Variants in HOOK1 observed in about 807,000 individuals in gnomAD.
The protein encoded by HOOK1 is protein Hook homolog 1.
HOOK1 carries 60 observed loss-of-function variants against 112.8 expected under a neutral mutation model. The observed-to-expected ratio is 0.53, with a 90% CI of 0.43 to 0.66. HOOK1 has a LOEUF of 0.66. Among genes scored for constraint, HOOK1 ranks in the 30% least tolerant of loss-of-function variants. HOOK1 has a pLI of 0.00. For missense variants in HOOK1, 770 were observed against 856.0 expected (o/e 0.90, Z 1.25); for synonymous variants, 294 against 283.8 (o/e 1.04, Z -0.36).
chr1:59,848,470 A>G lies in HOOK1; in HGVS notation c.1085A>G (p.Lys362Arg). The G allele has an allele frequency of 6.2e-7, 1 of 1,610,796 alleles. No homozygotes were observed. Residue 362 changes from lysine (K) to arginine (R), a missense_variant, in exon 11 of 22, where the codon AAA becomes AGA. By Grantham distance (26) the Lys-to-Arg change is conservative. Transcript: ENST00000371208. Reference sequence around the variant, plus strand: ...ACAGTCAGCTTAGAAGAAGAATTAAAAAAAGCAAATGCAGCACGTACACAA... The same window carrying G: ...ACAGTCAGCTTAGAAGAAGAATTAAGAAAAGCAAATGCAGCACGTACACAA... ...HNTVSLEEEL[K>R]KANAARTQLE...
intron 2 of HOOK1, among the ~76,000 whole-genome samples, chr1:59,824,562 G>A (rs562539001): frequency 5.3e-5 from 8 of 152,246 alleles, no homozygotes; most frequent in African/African-American, 1.9e-4. Context: ...CTGACATCGT[G>A]TCACATCAAA....
chr1:59,860,016 A>G (rs553184601), intron 14 of HOOK1, among the ~76,000 whole-genome samples, 172 bp from the exon 15 acceptor site: 211 of 152,252 alleles, frequency 1.4e-3, no homozygotes, highest in South Asian at 2.5e-3. Flanking sequence ...AAACACTTTC[A>G]GAAGCTTTTG....
chr1:59,855,704 A>T (rs967714454), intron 12 of HOOK1, among the ~76,000 whole-genome samples: 2 of 151,436 alleles, frequency 1.3e-5, no homozygotes, highest in East Asian at 3.9e-4. Context: ...TTATATTGGC[A>T]TACTTGATGG....
At chr1:59,845,968 G>T (rs2098403560) in intron 9 of HOOK1, among the ~76,000 whole-genome samples, 1 of 151,814 alleles carries the variant, frequency 6.6e-6, no homozygotes. Flanking sequence ...CAGTTTATCA[G>T]TAACACAATT....
At chr1:59,846,566 CCTTCCTTCCTT>C (rs1559053127) in intron 9 of HOOK1, among the ~76,000 whole-genome samples, 27 of 76,134 alleles carry the variant, frequency 3.5e-4, no homozygotes, top group South Asian at 1.7e-3. Flanking sequence ...TTCCTTCCTT[CCTTCCTTCCTT>C]CCTTCCTTCC....
intron 1 of HOOK1, 168 bp downstream of exon 1, chr1:59,815,348 G>A: frequency 1.6e-6 from 1 of 642,672 alleles, no homozygotes; most frequent in Non-Finnish European, 2.6e-6. Flanking sequence ...GGGTCGACGG[G>A]CAGGTGTGTG....
At chr1:59,823,078 C>T (rs375504018) in intron 2 of HOOK1, among the ~76,000 whole-genome samples, 106 of 152,216 alleles carry the variant, frequency 7.0e-4, no homozygotes, top group African/African-American at 4.6e-4. Flanking sequence ...CCCAGCACTT[C>T]GGGAGGCCGA....
chr1:59,828,917 A>T (rs1287234137), intron 3 of HOOK1, 65 bp downstream of exon 3: 9 of 1,266,258 alleles, frequency 7.1e-6, no homozygotes, highest in Non-Finnish European at 1.0e-5. Context: ...CACTAAGTTA[A>T]CCAAATCTGT....
At chr1:59,843,237 T>C (rs541522363) in intron 8 of HOOK1, among the ~76,000 whole-genome samples, 195 bp from the exon 9 acceptor site, 1 of 150,600 alleles carries the variant, frequency 6.6e-6, no homozygotes, top group South Asian at 2.1e-4. Flanking sequence ...TTGATTTGAT[T>C]TCTTTTCTTT....
In HOOK1 at chr1:59,849,129, G is replaced by A. The variant is rs370702196; in HGVS notation, c.1188G>A (p.Ala396=). The change falls in exon 12 of 22, where the codon GCG becomes GCA. Residue 396 remains alanine, a synonymous_variant. Transcript: ENST00000371208. ...AATCCAAGAGGGCAGACACACTAGC[G>A]TTTGAAATGAAGCGGCTTGAAGAAA... ...SSESKRADTL[A]FEMKRLEEKH... 21 of 1,609,592 alleles carry A rather than the reference G, an allele frequency of 1.3e-5. No homozygotes were observed. In the East Asian group the frequency reaches 1.3e-4, roughly 10 times the overall value.
chr1:59,873,094 A>G lies in HOOK1; in HGVS notation c.*129A>G. 1 of 708,878 alleles carries G rather than the reference A, an allele frequency of 1.4e-6. No individual in the cohort carries two copies. Among genetic ancestry groups the G allele is most frequent in the Non-Finnish European group, 2.0e-6 (1 of 490,496 alleles). The allele number at this position is 708,878 out of a possible 1,614,324, so 43.9% of individuals were successfully genotyped here. A position where few individuals can be genotyped will look rare whatever the true frequency, so the allele number is the denominator to read the frequency against. On this transcript the variant is annotated 3_prime_UTR_variant, in exon 22 of 22. Coordinates refer to ENST00000371208, the MANE Select transcript of HOOK1 (RefSeq NM_015888.6). Reference sequence around the variant, plus strand: ...GATGCGGGATATCAGGTATTTTAAAATCAACATGCATCAAATTAATTTTGC... The same window carrying G: ...GATGCGGGATATCAGGTATTTTAAAGTCAACATGCATCAAATTAATTTTGC...
In HOOK1 at chr1:59,821,898, A is replaced by G. The variant is rs769306981; in HGVS notation, c.104A>G (p.Lys35Arg). ...FNTASPCQDV[K>R]QLTSGVAMAQ... ...ACTGCCTCACCTTGTCAAGATGTCA[A>G]ACAGCTGACTAGTGGAGTTGCCATG... The change falls in exon 2 of 22, where the codon AAA becomes AGA. Residue 35 changes from lysine to arginine, a missense_variant. By Grantham distance (26) the Lys-to-Arg change is conservative. Transcript: ENST00000371208. The G allele has an allele frequency of 2.5e-6, 4 of 1,607,586 alleles. No homozygotes were observed. Among genetic ancestry groups the G allele is most frequent in the South Asian group, 2.2e-5 (2 of 90,062 alleles).
intron 12 of HOOK1, among the ~76,000 whole-genome samples, chr1:59,850,049 G>T (rs2098406308): frequency 6.6e-6 from 1 of 151,386 alleles, no homozygotes; most frequent in South Asian, 2.1e-4. Context: ...TTATCTTTTT[G>T]ATTTTAGCTA....
chr1:59,863,913 G>C, intron 16 of HOOK1: 1 of 706,316 alleles, frequency 1.4e-6, no homozygotes, highest in Non-Finnish European at 1.7e-6. Context: ...AGCCATACTA[G>C]AGAATACTTT....
chr1:59,862,770 C>G lies in HOOK1; in HGVS notation c.1533-14C>G, dbSNP rs1441769142. The G allele has an allele frequency of 1.3e-6, 2 of 1,531,400 alleles. No homozygotes were observed. Among genetic ancestry groups the G allele is most frequent in the Non-Finnish European group, 1.8e-6 (2 of 1,105,824 alleles). The allele number at this position is 1,531,400 out of a possible 1,614,324, so 94.9% of individuals were successfully genotyped here. A position where few individuals can be genotyped will look rare whatever the true frequency, so the allele number is the denominator to read the frequency against. ...TTCAATACAAGTAAATGCTTATGAC[C>G]CATCTTACAATAGGCTGAGCAAAGA... On this transcript the variant is annotated splice_polypyrimidine_tract_variant and intron_variant, in intron 15 of 21. Transcript: ENST00000371208.
Position 59,875,030 on chromosome 1 carries a change from T to C in HOOK1, c.*2065T>C, listed in dbSNP as rs1352965592. On this transcript the variant is annotated 3_prime_UTR_variant, in exon 22 of 22. Transcript: ENST00000371208. ...ACTTCTGGTAAAATAAAATAAGCCT[T>C]TGAAAATATTTTAGCATGGTATTTA... is the stretch of plus-strand genomic sequence containing the variant. 2 of 152,616 alleles carry C rather than the reference T, an allele frequency of 1.3e-5. No individual in the cohort carries two copies. Among genetic ancestry groups the C allele is most frequent in the African/African-American group, 4.8e-5 (2 of 41,454 alleles). 9.5% of individuals were successfully genotyped at this position (152,616 alleles called of 1,614,324 possible).
intron 20 of HOOK1, among the ~76,000 whole-genome samples, chr1:59,869,685 A>G (rs1320922360): frequency 6.6e-6 from 1 of 152,208 alleles, no homozygotes; most frequent in African/African-American, 2.4e-5. Flanking sequence ...CTACATCCAT[A>G]GTACGACACC....
chr1:59,815,947 A>G (rs536468340), intron 1 of HOOK1, among the ~76,000 whole-genome samples: 1 of 152,178 alleles, frequency 6.6e-6, no homozygotes, highest in Non-Finnish European at 1.5e-5. Flanking sequence ...AGATTGTTCA[A>G]TATTCCAGTC....
chr1:59,848,628 T>G (rs992975355), intron 11 of HOOK1, 112 bp downstream of exon 11: 1 of 685,740 alleles, frequency 1.5e-6, no homozygotes, highest in Non-Finnish European at 2.5e-6. Context: ...TGTAATAAGC[T>G]ATGAACTTAT....
Sources: allele counts gnomAD v4.1 joint callset (sites outside exome capture counted in the v4.1 genomes callset), GRCh38; gene constraint gnomAD v4.1.1; transcripts MANE v1.5; gene names NCBI Gene and HGNC (gene_info 2026-07-23, HGNC 2026-07-21).